Variants in MRPS7 observed in about 807,000 individuals in gnomAD.
MRPS7 encodes small ribosomal subunit protein uS7m.
In MRPS7, 13 loss-of-function variants were observed where a neutral mutation model predicts 26.2. That is an observed-to-expected ratio of 0.50 (90% CI 0.32 to 0.79). The LOEUF (loss-of-function observed/expected upper bound fraction) is 0.79, where lower values mean the gene tolerates loss of function less well. Among genes scored for constraint, MRPS7 ranks in the 30% least tolerant of loss-of-function variants. The probability of loss-of-function intolerance (pLI) is 0.03; values close to 1 mark genes in which losing one functional copy is unlikely to be tolerated. For missense variants in MRPS7, 318 were observed against 312.2 expected (o/e 1.02, Z -0.14); for synonymous variants, 129 against 113.3 (o/e 1.14, Z -0.88).
Position 75,261,969 on chromosome 17 carries a change from C to T in MRPS7, c.69C>T (p.Val23=). Residue 23 remains valine (V), a synonymous_variant, in exon 1 of 5, where the codon GTC becomes GTT. Coordinates refer to ENST00000245539, the MANE Select transcript of MRPS7 (RefSeq NM_015971.4). Reference sequence around the variant, plus strand: ...TGGCGTTGGGCGTGCGGCGGGCTGTCTTGCAGCTTCCAGGGTGAGAGGGTG... The same window carrying T: ...TGGCGTTGGGCGTGCGGCGGGCTGTTTTGCAGCTTCCAGGGTGAGAGGGTG... The part of the protein sequence containing the change: ...SGLALGVRRA[V]LQLPGLTQVR... 1 of 1,604,444 alleles carries T rather than the reference C, an allele frequency of 6.2e-7. No homozygotes were observed. Among genetic ancestry groups the T allele is most frequent in the East Asian group, 2.2e-5 (1 of 44,644 alleles).
chr17:75,264,270 A>C (rs1293225960), intron 4 of MRPS7: 1 of 152,094 alleles, frequency 6.6e-6, no homozygotes, highest in Non-Finnish European at 1.5e-5. Flanking sequence ...AGAGTGAAGA[A>C]GTATCTAAGT....
At chr17:75,263,715 C>CA (rs980396764) in intron 4 of MRPS7, 388 of 591,666 alleles carry the variant, frequency 6.6e-4, no homozygotes, top group Admixed American at 1.0e-3. Context: ...CCCGTCTCTA[C>CA]AAAAAAAACA....
At chr17:75,263,611 G>C in intron 4 of MRPS7, 104 bp downstream of exon 4, 1 of 1,418,014 alleles carries the variant, frequency 7.1e-7, no homozygotes, top group Non-Finnish European at 9.8e-7. Flanking sequence ...AGCTGGTGCA[G>C]TGGGATTGCA....
intron 1 of MRPS7, 126 bp downstream of exon 1, chr17:75,262,109 G>A: frequency 1.7e-6 from 2 of 1,150,322 alleles, no homozygotes; most frequent in Non-Finnish European, 2.5e-6. Flanking sequence ...AAGCTTCTAA[G>A]TTAGCTGCGT....
chr17:75,262,735 G>T, intron 2 of MRPS7, 47 bp downstream of exon 2: 1 of 1,613,776 alleles, frequency 6.2e-7, no homozygotes, highest in Non-Finnish European at 8.5e-7. Context: ...ACTATCCCAG[G>T]GAGGGTTTCT....
chr17:75,265,376 T>C (rs183718379), intron 4 of MRPS7, among the ~76,000 whole-genome samples: 1 of 151,562 alleles, frequency 6.6e-6, no homozygotes, highest in Non-Finnish European at 1.5e-5. Context: ...GGTCTTGTTA[T>C]ATTGACGAGG....
chr17:75,262,678 C>G lies in MRPS7; in HGVS notation c.265C>G (p.Pro89Ala). The change falls in exon 2 of 5, where the codon CCA (proline) becomes GCA (alanine). Residue 89 changes from proline to alanine, a missense_variant. Physicochemically the swap from Pro to Ala is conservative, Grantham distance 27. Coordinates refer to ENST00000245539, the MANE Select transcript of MRPS7 (RefSeq NM_015971.4). The part of the protein sequence containing the change: ...AGKTSSVFED[P>A]VISKFTNMMM... ...GAAAACAAGTTCTGTGTTTGAAGAC[C>G]CAGTCATCAGGTTAGATGGAAACAA... 2.5e-6 allele frequency: 4 copies of G among 1,614,122 alleles called. No individual in the cohort carries two copies. Among genetic ancestry groups the G allele is most frequent in the Non-Finnish European group, 3.4e-6 (4 of 1,180,018 alleles).
In MRPS7 at chr17:75,262,492, C is replaced by A. The variant is rs2077422877; in HGVS notation, c.84-5C>A. 8 of 1,612,872 alleles carry A rather than the reference C, an allele frequency of 5.0e-6. No individual in the cohort carries two copies. Among genetic ancestry groups the A allele is most frequent in the Non-Finnish European group, 6.8e-6 (8 of 1,179,110 alleles). On this transcript the variant is annotated splice_region_variant and splice_polypyrimidine_tract_variant and intron_variant, in intron 1 of 4. Coordinates refer to ENST00000245539, the MANE Select transcript of MRPS7 (RefSeq NM_015971.4). Reference sequence around the variant, plus strand: ...TGCCTGCCTCCTCCTTTCCCCCCCTCCCAGGCTAACTCAGGTGAGATGGAG... The same window carrying A: ...TGCCTGCCTCCTCCTTTCCCCCCCTACCAGGCTAACTCAGGTGAGATGGAG...
In MRPS7 at chr17:75,261,965, C is replaced by G. The variant is rs753160103; in HGVS notation, c.65C>G (p.Ala22Gly). Residue 22 changes from alanine to glycine, a missense_variant, in exon 1 of 5, where the codon GCT (alanine) becomes GGT (glycine). By Grantham distance (60) the Ala-to-Gly change is moderately conservative. Transcript: ENST00000245539. ...GGCCTGGCGTTGGGCGTGCGGCGGG[C>G]TGTCTTGCAGCTTCCAGGGTGAGAG... ...WSGLALGVRR[A>G]VLQLPGLTQV... The G allele has an allele frequency of 1.4e-5, 23 of 1,606,028 alleles. No homozygotes were observed. In the South Asian group the frequency reaches 1.8e-4, roughly 12 times the overall value.
chr17:75,264,914 G>GT (rs775416976), intron 4 of MRPS7, among the ~76,000 whole-genome samples: 4 of 151,756 alleles, frequency 2.6e-5, no homozygotes, highest in Non-Finnish European at 4.4e-5. Context: ...AAGGGGTCTT[G>GT]TTTTTAGGTA....
intron 1 of MRPS7, chr17:75,262,219 G>T (rs1326971116): frequency 1.6e-6 from 1 of 645,058 alleles, no homozygotes; most frequent in Non-Finnish European, 2.7e-6. Context: ...TTCAGCTAAA[G>T]AGCTCAGATC....
rs1211523502 is a variant in MRPS7, at chr17:75,262,664, C to A, written c.251C>A (p.Ser84Tyr). Residue 84 changes from serine to tyrosine, a missense_variant, in exon 2 of 5, where the codon TCT becomes TAT. Transcript: ENST00000245539. ...GCTGCTCCAGCAGGGAAAACAAGTT[C>A]TGTGTTTGAAGACCCAGTCATCAGG... ...IKAAPAGKTS[S>Y]VFEDPVISKF... 4.3e-6 allele frequency: 7 copies of A among 1,614,126 alleles called. No homozygotes were observed. The highest frequency in any genetic ancestry group is 5.1e-6 in the Non-Finnish European group (6 of 1,180,026).
rs1473684266 is a variant in MRPS7, at chr17:75,265,788, G to A, written c.594G>A (p.Arg198=). The A allele has an allele frequency of 6.2e-7, 1 of 1,614,198 alleles. No homozygotes were observed. Among genetic ancestry groups the A allele is most frequent in the South Asian group, 1.1e-5 (1 of 91,088 alleles). Residue 198 remains arginine, a synonymous_variant, in exon 5 of 5, where the codon CGG becomes CGA. Coordinates refer to ENST00000245539, the MANE Select transcript of MRPS7 (RefSeq NM_015971.4). ...AGTGCCGGGATAAAAAGCACCAGCG[G>A]ACACTGATGCCGGAGAAGCTGTCAC... The part of the protein sequence containing the change: ...ITECRDKKHQ[R]TLMPEKLSHK...
At chr17:75,265,306 G>A (rs1351712485) in intron 4 of MRPS7, among the ~76,000 whole-genome samples, 1 of 152,048 alleles carries the variant, frequency 6.6e-6, no homozygotes, top group Admixed American at 6.6e-5. Flanking sequence ...CCAAAGTGCT[G>A]GAATTACAGG....
chr17:75,263,477 AC>A lies in MRPS7; in HGVS notation c.480del (p.Ile161SerfsTer22). On this transcript the variant is annotated frameshift_variant, in exon 4 of 5. Transcript: ENST00000245539. LOFTEE classifies it high-confidence loss of function. ...KNCEPMIGLV[P>X]ILKGGRFYQV... ...ACTGTGAGCCTATGATTGGGCTGGTACCCATCCTCAAGGGAGGCCGTTTCTA... is the reference window on the plus strand; with the variant it reads ...ACTGTGAGCCTATGATTGGGCTGGTACCATCCTCAAGGGAGGCCGTTTCTA... The A allele has an allele frequency of 6.2e-7, 1 of 1,614,022 alleles. No homozygotes were observed. Among genetic ancestry groups the A allele is most frequent in the Non-Finnish European group, 8.5e-7 (1 of 1,180,008 alleles).
intron 4 of MRPS7, 94 bp downstream of exon 4, chr17:75,263,601 A>G: frequency 6.7e-7 from 1 of 1,502,674 alleles, no homozygotes; most frequent in Non-Finnish European, 9.1e-7. Flanking sequence ...ATAGCTTTCT[A>G]GCTGGTGCAG....
chr17:75,262,729 T>C (rs754296889), intron 2 of MRPS7, 41 bp downstream of exon 2: 9 of 1,613,870 alleles, frequency 5.6e-6, no homozygotes, highest in Middle Eastern at 1.6e-4. Flanking sequence ...ACTGGGACTA[T>C]CCCAGGGAGG....
rs1431044180 is a variant in MRPS7 at position 75,265,899 on chromosome 17, C to T, written c.705C>T (p.Ala235=). The change falls in exon 5 of 5, where the codon GCC becomes GCT. Residue 235 remains alanine (A), a synonymous_variant. Coordinates refer to ENST00000245539, the MANE Select transcript of MRPS7 (RefSeq NM_015971.4). ...ACAAGATGGCAGAGGCCAACCGTGC[C>T]CTGGCCCACTACCGCTGGTGGTAGA... ...DLHKMAEANR[A]LAHYRWW 1 of 1,613,828 alleles carries T rather than the reference C, an allele frequency of 6.2e-7. No individual in the cohort carries two copies. The highest frequency in any genetic ancestry group is 1.7e-5 in the Admixed American group (1 of 60,024).
chr17:75,264,372 A>G (rs941699919), intron 4 of MRPS7: 1 of 152,158 alleles, frequency 6.6e-6, no homozygotes, highest in Non-Finnish European at 1.5e-5. Flanking sequence ...GACTATTCAT[A>G]TCCTGTCTTT....
Sources: allele counts gnomAD v4.1 joint callset (sites outside exome capture counted in the v4.1 genomes callset), GRCh38; gene constraint gnomAD v4.1.1; transcripts MANE v1.5; gene names NCBI Gene and HGNC (gene_info 2026-07-23, HGNC 2026-07-21).